Variants in CBL observed in about 807,000 individuals in gnomAD.
CBL encodes Cbl proto-oncogene.
CBL carries 45 observed loss-of-function variants against 96.9 expected under a neutral mutation model. The observed-to-expected ratio is 0.46, with a 90% confidence interval of 0.37 to 0.60. The LOEUF is 0.60. CBL is among the 20% of genes least tolerant of loss of function. The pLI is 0.00. For synonymous variants in CBL, 420 were observed against 426.8 expected, an observed-to-expected ratio of 0.98 and a Z score of 0.20; for missense variants, 1,024 against 1,143.5, an observed-to-expected ratio of 0.90 and a Z score of 1.51.
At chr11:119,248,367 A>T (rs1949647459) in intron 2 of CBL, among the ~76,000 whole-genome samples, 1 of 152,232 alleles carries the variant, frequency 6.6e-6, no homozygotes, top group Non-Finnish European at 1.5e-5. Context: ...TCAATGGAGA[A>T]ACAACAGTCT....
rs180851690 is a variant in CBL at position 119,297,345 on chromosome 11, A to G, written c.2154-39A>G. ...TCATAAGTTTATAGATAACAGTTCT[A>G]TTTCCAAAGATCATTATGGCACTTT... On this transcript the variant is annotated intron_variant, in intron 13 of 15. Transcript: ENST00000264033. 3.6e-5 allele frequency: 52 copies of G among 1,440,358 alleles called. No individual in the cohort carries two copies. In the East Asian group the frequency reaches 4.8e-4, roughly 13 times the overall value. The allele number at this position is 1,440,358 out of a possible 1,614,324, so 89.2% of individuals were successfully genotyped here. A position where few individuals can be genotyped will look rare whatever the true frequency, so the allele number is the denominator to read the frequency against.
intron 1 of CBL, among the ~76,000 whole-genome samples, chr11:119,230,436 G>A (rs1413139336): frequency 6.6e-6 from 1 of 152,084 alleles, no homozygotes; most frequent in Non-Finnish European, 1.5e-5. Flanking sequence ...CACCGCGCCC[G>A]GCCTGAAAAT....
chr11:119,216,460 C>G (rs1949361382), intron 1 of CBL, among the ~76,000 whole-genome samples: 1 of 151,948 alleles, frequency 6.6e-6, no homozygotes, highest in Non-Finnish European at 1.5e-5. Flanking sequence ...CAACCTCCGC[C>G]TCCCGGGTTC....
At chr11:119,245,954 A>ATTTT (rs1565863385) in intron 2 of CBL, among the ~76,000 whole-genome samples, 2 of 90,970 alleles carry the variant, frequency 2.2e-5, no homozygotes, top group Admixed American at 1.6e-4. Context: ...TTCTTTGCAA[A>ATTTT]TCTTTTTTTT....
At chr11:119,211,663 C>A (rs1949320157) in intron 1 of CBL, among the ~76,000 whole-genome samples, 1 of 151,744 alleles carries the variant, frequency 6.6e-6, no homozygotes, top group African/African-American at 2.4e-5. Context: ...ACCAGCACAC[C>A]CAGCTAATTT....
chr11:119,243,340 A>T (rs1366754459), intron 2 of CBL, among the ~76,000 whole-genome samples: 1 of 151,862 alleles, frequency 6.6e-6, no homozygotes, highest in African/African-American at 2.4e-5. Flanking sequence ...TTATTTATTT[A>T]TTTATTTTTA....
Position 119,287,902 on chromosome 11 carries a change from C to G in CBL, c.1992C>G (p.Ile664Met). 6.2e-7 allele frequency: 1 copy of G among 1,613,850 alleles called. No homozygotes were observed. The highest frequency in any genetic ancestry group is 1.1e-5 in the South Asian group (1 of 91,072). Reference sequence around the variant, plus strand: ...GTCCAGAGTGTGACCACCCCAAAATCAAACCTTCCTCATCTGCCAATGCCA... The same window carrying G: ...GTCCAGAGTGTGACCACCCCAAAATGAAACCTTCCTCATCTGCCAATGCCA... ...LVGPECDHPK[I>M]KPSSSANAIY... Residue 664 changes from isoleucine (I) to methionine (M), a missense_variant, in exon 12 of 16, where the codon ATC becomes ATG. By Grantham distance (10) the Ile-to-Met change is conservative. This residue lies in a region of CBL where 695 missense variants were observed against 661.6 expected (regional missense o/e 1.05). Coordinates refer to ENST00000264033, the MANE Select transcript of CBL (RefSeq NM_005188.4).
chr11:119,234,719 G>T (rs575297533), intron 2 of CBL, among the ~76,000 whole-genome samples: 1 of 152,284 alleles, frequency 6.6e-6, no homozygotes, highest in African/African-American at 2.4e-5. Context: ...GATTATTTCA[G>T]CACAAGAAAT....
intron 2 of CBL, among the ~76,000 whole-genome samples, chr11:119,236,620 T>TAC (rs1373333840): frequency 2.1e-5 from 3 of 141,934 alleles, no homozygotes; most frequent in Non-Finnish European, 3.1e-5. Flanking sequence ...TATATATATA[T>TAC]ATACCCATAG....
At chr11:119,259,289 T>C (rs866523584) in intron 2 of CBL, among the ~76,000 whole-genome samples, 1 of 152,170 alleles carries the variant, frequency 6.6e-6, no homozygotes, top group Non-Finnish European at 1.5e-5. Flanking sequence ...CTTGCCTAAT[T>C]GCTGTGCCTG....
intron 1 of CBL, among the ~76,000 whole-genome samples, chr11:119,220,284 A>G (rs1331514644): frequency 6.6e-6 from 1 of 152,192 alleles, no homozygotes; most frequent in African/African-American, 2.4e-5. Context: ...TACAGGTGTG[A>G]GCCACTGCAC....
chr11:119,212,261 G>A (rs1949324268), intron 1 of CBL, among the ~76,000 whole-genome samples: 1 of 152,024 alleles, frequency 6.6e-6, no homozygotes, highest in Non-Finnish European at 1.5e-5. Context: ...TTTAAATGGA[G>A]TATAGTTTAT....
chr11:119,217,919 A>C (rs915270297), intron 1 of CBL, among the ~76,000 whole-genome samples: 1 of 152,116 alleles, frequency 6.6e-6, no homozygotes, highest in African/African-American at 2.4e-5. Context: ...AAAATAAAAA[A>C]TAAAAAAATT....
intron 2 of CBL, among the ~76,000 whole-genome samples, chr11:119,253,988 C>CAAAAAAAAAAAAAAAAAAAAAAAAA: frequency 1.5e-5 from 1 of 67,054 alleles, no homozygotes. Context: ...GACCTTGACT[C>CAAAAAAAAAAAAAAAAAAAAAAAAA]AAAAAAAAAA....
intron 1 of CBL, among the ~76,000 whole-genome samples, chr11:119,207,503 T>A (rs1380793642): frequency 6.6e-6 from 1 of 152,250 alleles, no homozygotes; most frequent in Non-Finnish European, 1.5e-5. Flanking sequence ...TTGATTACGC[T>A]TTTTTGTTTG....
At chr11:119,208,818 T>C (rs1949295406) in intron 1 of CBL, among the ~76,000 whole-genome samples, 1 of 152,228 alleles carries the variant, frequency 6.6e-6, no homozygotes, top group African/African-American at 2.4e-5. Flanking sequence ...TCTTACTCCT[T>C]CATCTATTTA....
intron 2 of CBL, among the ~76,000 whole-genome samples, chr11:119,236,124 T>C (rs557661240): frequency 6.6e-6 from 1 of 152,132 alleles, no homozygotes; most frequent in Non-Finnish European, 1.5e-5. Flanking sequence ...TGGTTTTTAG[T>C]GTATTCGCAA....
intron 2 of CBL, among the ~76,000 whole-genome samples, chr11:119,263,472 T>C (rs1468652252): frequency 3.9e-5 from 6 of 152,196 alleles, no homozygotes; most frequent in Non-Finnish European, 5.9e-5. Context: ...GTGAAACAGT[T>C]AGCTTGAAAT....
At chr11:119,221,613 A>C (rs936151424) in intron 1 of CBL, among the ~76,000 whole-genome samples, 1 of 151,378 alleles carries the variant, frequency 6.6e-6, no homozygotes, top group Non-Finnish European at 1.5e-5. Context: ...TAAAAATACA[A>C]AAAAATTAGC....
Sources: allele counts gnomAD v4.1 joint callset (sites outside exome capture counted in the v4.1 genomes callset), GRCh38; gene constraint gnomAD v4.1.1; regional missense constraint gnomAD v4.1.1; transcripts MANE v1.5; gene names NCBI Gene and HGNC (gene_info 2026-07-23, HGNC 2026-07-21).